Variants in BCAS1 observed in about 807,000 individuals in gnomAD.
BCAS1 encodes breast carcinoma-amplified sequence 1.
BCAS1 carries 46 observed loss-of-function variants against 65.4 expected under a neutral mutation model. The observed-to-expected ratio is 0.70, with a 90% confidence interval of 0.55 to 0.90. The LOEUF is 0.90. BCAS1 is among the 40% of genes least tolerant of loss of function. The probability of loss-of-function intolerance (pLI) is 0.00; values close to 1 mark genes in which losing one functional copy is unlikely to be tolerated. For missense variants in BCAS1, 793 were observed against 771.2 expected, an observed-to-expected ratio of 1.03 and a Z score of -0.33; for synonymous variants, 298 against 293.5, an observed-to-expected ratio of 1.02 and a Z score of -0.16.
intron 10 of BCAS1, among the ~76,000 whole-genome samples, chr20:53,962,119 C>A (rs192625280): frequency 7.9e-5 from 12 of 152,288 alleles, no homozygotes; most frequent in Admixed American, 6.5e-4. Flanking sequence ...CCTTAAAGAG[C>A]AAATCAGTAT....
At position 53,966,967 on chromosome 20, in the gene BCAS1, G is replaced by A. The variant is rs539868796; in HGVS notation, c.1424C>T (p.Ala475Val). Residue 475 changes from alanine (A) to valine (V), a missense_variant, in exon 10 of 13, where the codon GCG becomes GTG. Transcript: ENST00000688948. Reference sequence around the variant, plus strand: ...TTTGCTTTCTTCTCTTTTGAGTTTCGCTTCTGTGGGTTCAGGTGCAGCATC... The same window carrying A: ...TTTGCTTTCTTCTCTTTTGAGTTTCACTTCTGTGGGTTCAGGTGCAGCATC... ...EGDAAPEPTE[A>V]KLKREESKPR... The A allele has an allele frequency of 6.3e-5, 101 of 1,613,044 alleles. No individual in the cohort carries two copies. Among genetic ancestry groups the A allele is most frequent in the Middle Eastern group, 3.3e-4 (2 of 6,062 alleles).
rs74179260 is a variant in BCAS1 at position 54,041,852 on chromosome 20, T to TTGTGCCACTGTGCCAC, written c.143-12881_143-12880insGTGGCACAGTGGCACA. On this transcript the variant is annotated intron_variant, in intron 3 of 12. Transcript: ENST00000688948. ...AGGCAGAGGTTGCAGTGAGCCGAGA[T>TTGTGCCACTGTGCCAC]TGTGCCACTGCACTCTAACCTGGGC... 4.4e-4 allele frequency among the ~76,000 whole-genome samples: 62 copies of TTGTGCCACTGTGCCAC among 140,396 alleles called. 1 individual carries two copies. Among genetic ancestry groups the TTGTGCCACTGTGCCAC allele is most frequent in the Admixed American group, 5.8e-4 (8 of 13,884 alleles). 92.1% of individuals were successfully genotyped at this position (140,396 alleles called of 152,430 possible).
At chr20:53,997,577 A>G (rs957345537) in intron 4 of BCAS1, among the ~76,000 whole-genome samples, 2 of 151,678 alleles carry the variant, frequency 1.3e-5, no homozygotes, top group Admixed American at 6.5e-5. Context: ...ATACTCATGT[A>G]TCTATATTTT....
rs1568844802 is a variant in BCAS1, at chr20:53,985,446, G to A, written c.1116C>T (p.Asn372=). Residue 372 remains asparagine (N), a synonymous_variant, in exon 8 of 13, where the codon AAC becomes AAT. Transcript: ENST00000688948. ...TSADLKSDKA[N]FTSQETQGAG... The stretch of plus-strand genomic sequence containing the variant: ...CCCCTTGGGTCTCCTGGGATGTAAA[G>A]TTGGCTTTGTCTGACTTAAGGTCAG... 1.2e-6 allele frequency: 2 copies of A among 1,614,036 alleles called. No homozygotes were observed. Among genetic ancestry groups the A allele is most frequent in the Non-Finnish European group, 1.7e-6 (2 of 1,179,978 alleles).
At chr20:53,965,734 T>A (rs1464734967) in intron 10 of BCAS1, among the ~76,000 whole-genome samples, 3 of 152,338 alleles carry the variant, frequency 2.0e-5, no homozygotes, top group Admixed American at 2.0e-4. Flanking sequence ...TTTTGCCATA[T>A]CTTTATATAA....
At position 53,985,418 on chromosome 20, in the gene BCAS1, C is replaced by T; in HGVS notation, c.1144G>A (p.Gly382Ser). The T allele has an allele frequency of 6.2e-7, 1 of 1,613,972 alleles. No individual in the cohort carries two copies. Among genetic ancestry groups the T allele is most frequent in the Non-Finnish European group, 8.5e-7 (1 of 1,179,966 alleles). ...GGGTTGCATCCTTTGGAATTCTTGCCAGCCCCTTGGGTCTCCTGGGATGTA... is the reference window on the plus strand; with the variant it reads ...GGGTTGCATCCTTTGGAATTCTTGCTAGCCCCTTGGGTCTCCTGGGATGTA... The part of the protein sequence containing the change: ...NFTSQETQGA[G>S]KNSKGCNPSG... The change falls in exon 8 of 13, where the codon GGC becomes AGC. Residue 382 changes from glycine to serine, a missense_variant. By Grantham distance (56) the Gly-to-Ser change is moderately conservative. Coordinates refer to ENST00000688948, the MANE Select transcript of BCAS1 (RefSeq NM_001366298.2).
chr20:53,948,939 G>C (rs1471850676), intron 12 of BCAS1, among the ~76,000 whole-genome samples: 1 of 152,106 alleles, frequency 6.6e-6, no homozygotes, highest in Non-Finnish European at 1.5e-5. Context: ...TGCGCTGATT[G>C]TCACAAGCCT....
intron 11 of BCAS1, 116 bp from the exon 12 acceptor site, chr20:53,953,811 A>C: frequency 8.1e-7 from 1 of 1,232,304 alleles, no homozygotes. Flanking sequence ...CTACATTTTC[A>C]TGAATCCTAG....
At chr20:53,986,789 T>A (rs2090626405) in intron 7 of BCAS1, among the ~76,000 whole-genome samples, 1 of 152,028 alleles carries the variant, frequency 6.6e-6, no homozygotes, top group African/African-American at 2.4e-5. Flanking sequence ...CCCAGCTACT[T>A]GGAGGCTGAG....
chr20:53,946,719 T>C (rs991318345), intron 12 of BCAS1, among the ~76,000 whole-genome samples: 4 of 127,086 alleles, frequency 3.1e-5, no homozygotes, highest in Non-Finnish European at 5.0e-5. Context: ...TAGTCCACTG[T>C]ATAGTATAGT....
chr20:53,983,728 A>G (rs1322079423), intron 8 of BCAS1, among the ~76,000 whole-genome samples: 1 of 152,170 alleles, frequency 6.6e-6, no homozygotes, highest in Non-Finnish European at 1.5e-5. Context: ...GGAACAGGCA[A>G]TCTGTACTCT....
chr20:53,946,922 G>T (rs961395730), intron 12 of BCAS1, among the ~76,000 whole-genome samples: 8 of 151,928 alleles, frequency 5.3e-5, no homozygotes, highest in African/African-American at 1.9e-4. Context: ...AGTATATAGA[G>T]TGTATTATAG....
chr20:53,975,349 A>T, intron 9 of BCAS1, 40 bp downstream of exon 9: 1 of 1,585,644 alleles, frequency 6.3e-7, no homozygotes, highest in South Asian at 1.1e-5. Flanking sequence ...ATGGCGGAAG[A>T]TGAGAATGGA....
chr20:53,995,817 A>T, intron 5 of BCAS1, 75 bp downstream of exon 5: 1 of 1,428,606 alleles, frequency 7.0e-7, no homozygotes, highest in Non-Finnish European at 9.5e-7. Flanking sequence ...ATAACATTCA[A>T]ATGTGCATTA....
intron 10 of BCAS1, among the ~76,000 whole-genome samples, chr20:53,958,745 G>A (rs142518647): frequency 6.6e-6 from 1 of 152,288 alleles, no homozygotes; most frequent in East Asian, 1.9e-4. Context: ...TATTCATTAT[G>A]TCAGAACCTT....
intron 3 of BCAS1, among the ~76,000 whole-genome samples, chr20:54,041,049 A>C (rs371374069): frequency 6.6e-6 from 1 of 151,484 alleles, no homozygotes; most frequent in Admixed American, 6.6e-5. Context: ...ACTTGGAAGC[A>C]TGGTACTAAG....
chr20:54,025,422 G>T (rs530518299), intron 4 of BCAS1, among the ~76,000 whole-genome samples: 1 of 152,144 alleles, frequency 6.6e-6, no homozygotes, highest in East Asian at 1.9e-4. Context: ...TCTTTTCTTT[G>T]GCCTATGTAG....
intron 1 of BCAS1, among the ~76,000 whole-genome samples, chr20:54,060,209 C>T (rs2092359119): frequency 6.6e-6 from 1 of 152,182 alleles, no homozygotes; most frequent in Non-Finnish European, 1.5e-5. Context: ...CTATAAGGAC[C>T]CAATGAGTTA....
chr20:53,985,608 T>C, intron 7 of BCAS1, 109 bp from the exon 8 acceptor site: 1 of 946,132 alleles, frequency 1.1e-6, no homozygotes, highest in African/African-American at 1.7e-5. Flanking sequence ...ATAATGTTAA[T>C]TTTCTTCTTT....
Sources: allele counts gnomAD v4.1 joint callset (sites outside exome capture counted in the v4.1 genomes callset), GRCh38; gene constraint gnomAD v4.1.1; transcripts MANE v1.5; gene names NCBI Gene and HGNC (gene_info 2026-07-23, HGNC 2026-07-21).